The following SDK1 variants were observed in gnomAD, a reference collection of about 807,000 sequenced individuals.
The protein encoded by SDK1 is sidekick cell adhesion molecule 1.
In SDK1, 157 loss-of-function variants were observed where a neutral mutation model predicts 245.5. That is an observed-to-expected ratio of 0.64 (90% confidence interval 0.56 to 0.73). The LOEUF is 0.73. Among genes scored for constraint, SDK1 ranks in the 30% least tolerant of loss-of-function variants. The pLI is 0.00. For missense variants in SDK1, 3,583 were observed against 3,002.3 expected, an observed-to-expected ratio of 1.19 and a Z score of -4.52; for synonymous variants, 1,647 against 1,278.5, an observed-to-expected ratio of 1.29 and a Z score of -6.15.
chr7:3,540,778 T>A (rs1485860834), intron 1 of SDK1, among the ~76,000 whole-genome samples: 1 of 152,202 alleles, frequency 6.6e-6, no homozygotes, highest in African/African-American at 2.4e-5. Flanking sequence ...CAAGATCATA[T>A]AAATTTTTAT....
At chr7:3,408,045 C>A (rs544744265) in intron 1 of SDK1, among the ~76,000 whole-genome samples, 125 of 151,952 alleles carry the variant, frequency 8.2e-4, no homozygotes, top group African/African-American at 2.9e-3. Context: ...TTCATTCTTT[C>A]ATTTTTTTTT....
At chr7:3,495,552 C>T (rs573486535) in intron 1 of SDK1, among the ~76,000 whole-genome samples, 1 of 152,242 alleles carries the variant, frequency 6.6e-6, no homozygotes, top group Non-Finnish European at 1.5e-5. Context: ...AGCCACTGCT[C>T]TGGGCTGGAA....
intron 5 of SDK1, among the ~76,000 whole-genome samples, chr7:3,880,424 C>G (rs1781178658): frequency 6.6e-6 from 1 of 152,132 alleles, no homozygotes; most frequent in African/African-American, 2.4e-5. Flanking sequence ...CTTGGGTAGC[C>G]TCAGCAGCAG....
At chr7:4,175,471 C>A (rs1159943863) in intron 33 of SDK1, among the ~76,000 whole-genome samples, 5 of 152,224 alleles carry the variant, frequency 3.3e-5, no homozygotes, top group African/African-American at 9.6e-5. Flanking sequence ...GAAAAGGTGT[C>A]CTGCCACTCA....
At chr7:3,698,355 G>C (rs994330546) in intron 4 of SDK1, among the ~76,000 whole-genome samples, 1 of 152,142 alleles carries the variant, frequency 6.6e-6, no homozygotes, top group Non-Finnish European at 1.5e-5. Context: ...TCCCTCTCAC[G>C]GTATTGGAGA....
chr7:4,160,320 A>G lies in SDK1; in HGVS notation c.4730-1466A>G, dbSNP rs919905925. Among the ~76,000 whole-genome samples, 3 of 152,214 alleles carry G rather than the reference A, an allele frequency of 2.0e-5. No homozygotes were observed. In the South Asian group the frequency reaches 6.2e-4, roughly 32 times the overall value. Reference sequence around the variant, plus strand: ...TCTCTCTGACAGATTGTGTGAAAGCAAAGTGCAACAGCCTCCTTTGACCTC... The same window carrying G: ...TCTCTCTGACAGATTGTGTGAAAGCGAAGTGCAACAGCCTCCTTTGACCTC... On this transcript the variant is annotated intron_variant, in intron 31 of 44. Coordinates refer to ENST00000404826, the MANE Select transcript of SDK1 (RefSeq NM_152744.4).
intron 4 of SDK1, among the ~76,000 whole-genome samples, chr7:3,818,626 A>T (rs538292415): frequency 2.0e-5 from 3 of 152,276 alleles, no homozygotes; most frequent in African/African-American, 7.2e-5. Flanking sequence ...GAGTGTTTTG[A>T]TTTCTAGTGA....
At chr7:3,581,271 A>G (rs974500717) in intron 1 of SDK1, among the ~76,000 whole-genome samples, 1 of 152,212 alleles carries the variant, frequency 6.6e-6, no homozygotes, top group African/African-American at 2.4e-5. Flanking sequence ...AAACCTATTA[A>G]TCGAATATGA....
At chr7:3,591,431 C>G (rs1780872024) in intron 1 of SDK1, among the ~76,000 whole-genome samples, 1 of 152,240 alleles carries the variant, frequency 6.6e-6, no homozygotes, top group Non-Finnish European at 1.5e-5. Flanking sequence ...ATTATTAATT[C>G]CTGCCTGGAT....
At chr7:4,206,060 C>A in intron 36 of SDK1, 66 bp downstream of exon 36, 1 of 1,058,458 alleles carries the variant, frequency 9.4e-7, no homozygotes, top group Non-Finnish European at 1.4e-6. Flanking sequence ...CGTGGTCCTG[C>A]CTACTGCATT....
intron 4 of SDK1, among the ~76,000 whole-genome samples, chr7:3,735,411 C>G (rs1779291915): frequency 6.6e-6 from 1 of 152,152 alleles, no homozygotes; most frequent in Non-Finnish European, 1.5e-5. Context: ...TAAGTGAAGG[C>G]AGAGAGTATT....
chr7:3,482,846 C>G (rs1781559761), intron 1 of SDK1, among the ~76,000 whole-genome samples: 1 of 152,188 alleles, frequency 6.6e-6, no homozygotes, highest in Admixed American at 6.5e-5. Context: ...AAATGTACAT[C>G]TTGATTACGA....
intron 4 of SDK1, among the ~76,000 whole-genome samples, chr7:3,652,806 A>G (rs1408116520): frequency 1.3e-5 from 2 of 152,158 alleles, no homozygotes; most frequent in Non-Finnish European, 2.9e-5. Context: ...TAGCCTAACT[A>G]CCATGTGGAA....
intron 22 of SDK1, among the ~76,000 whole-genome samples, chr7:4,109,464 T>C (rs1783186377): frequency 6.6e-6 from 1 of 152,226 alleles, no homozygotes; most frequent in African/African-American, 2.4e-5. Flanking sequence ...TATCCTGTCA[T>C]TTAAGCCACT....
At chr7:3,398,459 G>C (rs1335003786) in intron 1 of SDK1, among the ~76,000 whole-genome samples, 1 of 151,798 alleles carries the variant, frequency 6.6e-6, no homozygotes, top group Non-Finnish European at 1.5e-5. Context: ...TGCTAGAGGG[G>C]ACTGAGTTGT....
At chr7:3,479,242 C>G (rs1781436371) in intron 1 of SDK1, among the ~76,000 whole-genome samples, 1 of 151,122 alleles carries the variant, frequency 6.6e-6, no homozygotes, top group Non-Finnish European at 1.5e-5. Flanking sequence ...GCCAACGTGG[C>G]AAAACCCCGT....
At chr7:3,819,408 G>T (rs1779589898) in intron 4 of SDK1, among the ~76,000 whole-genome samples, 1 of 151,942 alleles carries the variant, frequency 6.6e-6, no homozygotes, top group African/African-American at 2.4e-5. Flanking sequence ...AGAATTCATG[G>T]ATATTTTATA....
At chr7:4,040,201 C>T (rs898498286) in intron 17 of SDK1, among the ~76,000 whole-genome samples, 6 of 152,092 alleles carry the variant, frequency 3.9e-5, no homozygotes, top group Non-Finnish European at 5.9e-5. Flanking sequence ...AGTGGGGTAA[C>T]GCCAGAGCTG....
At chr7:3,825,684 C>A (rs536320388) in intron 5 of SDK1, among the ~76,000 whole-genome samples, 3 of 152,142 alleles carry the variant, frequency 2.0e-5, no homozygotes, top group South Asian at 2.1e-4. Context: ...TGCAGACTCA[C>A]GTAGGGTTAG....
Sources: allele counts gnomAD v4.1 joint callset (sites outside exome capture counted in the v4.1 genomes callset), GRCh38; gene constraint gnomAD v4.1.1; transcripts MANE v1.5; gene names NCBI Gene and HGNC (gene_info 2026-07-23, HGNC 2026-07-21).